Variants in NKAIN2 observed in about 807,000 individuals in gnomAD.
NKAIN2 encodes the protein sodium/potassium-transporting ATPase subunit beta-1-interacting protein 2.
Under a neutral mutation model 32.6 loss-of-function variants are expected in NKAIN2, and 14 were observed. That is an observed-to-expected ratio of 0.43 (90% confidence interval 0.28 to 0.67). The LOEUF is 0.67. Ranked by LOEUF, NKAIN2 falls within the 30% of genes least tolerant of loss-of-function variation. The pLI, the probability that NKAIN2 is intolerant of heterozygous loss-of-function variation, is 0.17. For missense variants in NKAIN2, 198 were observed against 258.3 expected (o/e 0.77, Z 1.60); for synonymous variants, 80 against 87.2 (o/e 0.92, Z 0.46).
In NKAIN2 at chr6:124,495,082, C is replaced by A. The variant is rs572299189; in HGVS notation, c.273+139735C>A. ...AATTGACTAGAAAGGAGCAGGCAAC[C>A]AGCATGTCTAATGACTAATTTGGGT... On this transcript the variant is annotated intron_variant, in intron 3 of 6. Coordinates refer to ENST00000368417, the MANE Select transcript of NKAIN2 (RefSeq NM_001040214.3). Among the ~76,000 whole-genome samples the A allele has an allele frequency of 2.0e-5, 3 of 152,142 alleles. No homozygotes were observed. The East Asian group carries it at 5.8e-4, about 29-fold the overall frequency.
intron 4 of NKAIN2, among the ~76,000 whole-genome samples, chr6:124,780,681 TAG>T (rs1779222860): frequency 6.6e-6 from 1 of 152,192 alleles, no homozygotes; most frequent in Non-Finnish European, 1.5e-5. Context: ...AGTTATCGTT[TAG>T]ATTTTCAAGC....
At chr6:124,560,352 T>G (rs1309421691) in intron 3 of NKAIN2, among the ~76,000 whole-genome samples, 1 of 152,220 alleles carries the variant, frequency 6.6e-6, no homozygotes, top group Non-Finnish European at 1.5e-5. Flanking sequence ...CTGCCATGAT[T>G]GTAAGTTTCC....
At chr6:124,592,371 A>G (rs1375529287) in intron 3 of NKAIN2, among the ~76,000 whole-genome samples, 1 of 152,212 alleles carries the variant, frequency 6.6e-6, no homozygotes, top group Non-Finnish European at 1.5e-5. Flanking sequence ...GTTTACATTA[A>G]TACACGGCTT....
At chr6:124,397,539 TA>T (rs1773437271) in intron 3 of NKAIN2, among the ~76,000 whole-genome samples, 1 of 151,936 alleles carries the variant, frequency 6.6e-6, no homozygotes, top group Admixed American at 6.6e-5. Flanking sequence ...TTTTTTTTTT[TA>T]ATTATAACCA....
At chr6:123,959,925 A>G (rs1022030489) in intron 1 of NKAIN2, among the ~76,000 whole-genome samples, 15 of 141,270 alleles carry the variant, frequency 1.1e-4, no homozygotes, top group South Asian at 4.7e-4. Context: ...TCTTCCATAT[A>G]TGTGTGTGTG....
chr6:124,313,095 G>T (rs1318700263), intron 2 of NKAIN2, among the ~76,000 whole-genome samples: 1 of 152,104 alleles, frequency 6.6e-6, no homozygotes, highest in Non-Finnish European at 1.5e-5. Context: ...TAATATCACA[G>T]TCAGTATGTA....
intron 1 of NKAIN2, among the ~76,000 whole-genome samples, chr6:124,179,235 A>T (rs1789314996): frequency 6.6e-6 from 1 of 152,218 alleles, no homozygotes; most frequent in African/African-American, 2.4e-5. Flanking sequence ...TATGGCTCAC[A>T]GAGCTGGAGG....
intron 4 of NKAIN2, among the ~76,000 whole-genome samples, chr6:124,700,543 T>C (rs1583670234): frequency 6.6e-6 from 1 of 152,254 alleles, no homozygotes; most frequent in East Asian, 1.9e-4. Context: ...GTATTTTATT[T>C]CTGCCAGCTT....
At chr6:124,363,432 C>A (rs1323078149) in intron 3 of NKAIN2, among the ~76,000 whole-genome samples, 2 of 151,978 alleles carry the variant, frequency 1.3e-5, no homozygotes, top group African/African-American at 4.8e-5. Context: ...TATTTTTTGA[C>A]AAATGTATAA....
chr6:124,705,700 G>A (rs192454609), intron 4 of NKAIN2, among the ~76,000 whole-genome samples: 20 of 152,192 alleles, frequency 1.3e-4, no homozygotes, highest in Admixed American at 1.2e-3. Flanking sequence ...TGAAGGGAAC[G>A]AGTTTTTTTG....
At position 124,171,832 on chromosome 6, in the gene NKAIN2, G is replaced by A. The variant is rs577415174; in HGVS notation, c.55-111173G>A. On this transcript the variant is annotated intron_variant, in intron 1 of 6. Coordinates refer to ENST00000368417, the MANE Select transcript of NKAIN2 (RefSeq NM_001040214.3). ...CTCCCAAAGTGCTAGGATTACAGGCGTGAGCCACCGCGGCCGACTCTTTTT... is the reference window on the plus strand; with the variant it reads ...CTCCCAAAGTGCTAGGATTACAGGCATGAGCCACCGCGGCCGACTCTTTTT... Among the ~76,000 whole-genome samples the A allele has an allele frequency of 6.0e-5, 9 of 151,104 alleles. No individual in the cohort carries two copies. In the East Asian group the frequency reaches 1.8e-3, roughly 29 times the overall value.
At chr6:124,103,598 A>C (rs1311516472) in intron 1 of NKAIN2, among the ~76,000 whole-genome samples, 2 of 152,200 alleles carry the variant, frequency 1.3e-5, no homozygotes, top group African/African-American at 4.8e-5. Flanking sequence ...TTTGAATGGA[A>C]GTTATTATTA....
intron 4 of NKAIN2, among the ~76,000 whole-genome samples, chr6:124,695,527 A>G (rs1319477498): frequency 6.6e-6 from 1 of 152,234 alleles, no homozygotes; most frequent in Non-Finnish European, 1.5e-5. Context: ...GTGCATTCAC[A>G]TAATGCAATG....
chr6:123,956,557 C>A (rs1777601993), intron 1 of NKAIN2, among the ~76,000 whole-genome samples: 1 of 152,184 alleles, frequency 6.6e-6, no homozygotes, highest in African/African-American at 2.4e-5. Context: ...TGACCTTGGA[C>A]TTCCAACCTC....
intron 3 of NKAIN2, among the ~76,000 whole-genome samples, chr6:124,603,399 T>C (rs1163102875): frequency 6.6e-6 from 1 of 152,028 alleles, no homozygotes; most frequent in Non-Finnish European, 1.5e-5. Flanking sequence ...CCTGCATTTC[T>C]ATTTTCATCA....
chr6:124,528,439 C>T (rs1009976166), intron 3 of NKAIN2, among the ~76,000 whole-genome samples: 13 of 152,154 alleles, frequency 8.5e-5, no homozygotes, highest in African/African-American at 3.1e-4. Flanking sequence ...TGACAGCTTG[C>T]AGAAATGTGT....
chr6:124,508,826 G>C (rs975821996), intron 3 of NKAIN2, among the ~76,000 whole-genome samples: 2 of 152,134 alleles, frequency 1.3e-5, no homozygotes, highest in Admixed American at 6.6e-5. Context: ...TGTAAAGGAA[G>C]CTCTGCCTTC....
chr6:123,904,706 T>G (rs556958015), intron 1 of NKAIN2, among the ~76,000 whole-genome samples: 1 of 152,236 alleles, frequency 6.6e-6, no homozygotes, highest in Non-Finnish European at 1.5e-5. Context: ...CATACTTGTT[T>G]TGACGTCTAA....
At chr6:124,377,013 A>G (rs955138904) in intron 3 of NKAIN2, among the ~76,000 whole-genome samples, 5 of 152,168 alleles carry the variant, frequency 3.3e-5, no homozygotes, top group Non-Finnish European at 5.9e-5. Flanking sequence ...AAACAGCAAT[A>G]TATTCTATCA....
Sources: gnomAD v4.1 joint callset for allele counts (sites outside exome capture counted in the v4.1 genomes callset) on GRCh38, gnomAD v4.1.1 for gene constraint, MANE v1.5 for transcripts, NCBI Gene and HGNC (gene_info 2026-07-23, HGNC 2026-07-21) for gene names.